Variants in CAST observed in about 807,000 individuals in gnomAD.
The protein encoded by CAST is MIR583 host.
Under a neutral mutation model 119.6 loss-of-function variants are expected in CAST, and 76 were observed. That is an observed-to-expected ratio of 0.64 (90% CI 0.53 to 0.77). CAST has a LOEUF of 0.77. Among genes scored for constraint, CAST ranks in the 30% least tolerant of loss-of-function variants. The probability of loss-of-function intolerance (pLI) is 0.00; values close to 1 mark genes in which losing one functional copy is unlikely to be tolerated. For missense variants in CAST, 953 were observed against 946.5 expected (o/e 1.01, Z -0.09); for synonymous variants, 319 against 331.6 (o/e 0.96, Z 0.41).
chr5:96,050,743 G>C, the CAST span, among the ~76,000 whole-genome samples: 2 of 152,196 alleles, frequency 1.3e-5, no homozygotes, highest in South Asian at 4.1e-4. Flanking sequence ...GTTTCCTGCA[G>C]TAGTGCTCCC....
chr5:96,111,474 G>C, the CAST span, among the ~76,000 whole-genome samples: 1 of 152,192 alleles, frequency 6.6e-6, no homozygotes, highest in East Asian at 1.9e-4. Context: ...TCCCTCCCCA[G>C]ATGGGGCTGA....
the CAST span, among the ~76,000 whole-genome samples, chr5:96,265,929 T>C: frequency 3.3e-5 from 5 of 152,180 alleles, no homozygotes; most frequent in Non-Finnish European, 5.9e-5. Flanking sequence ...AAAAAAAAAC[T>C]GATACGATGT....
chr5:96,481,315 A>C, the CAST span, among the ~76,000 whole-genome samples: 1 of 152,314 alleles, frequency 6.6e-6, no homozygotes, highest in Non-Finnish European at 1.5e-5. Flanking sequence ...TCTTGAGATA[A>C]GAGCCTTCTT....
chr5:96,621,723 C>T (rs147952326), intron 1 of CAST, among the ~76,000 whole-genome samples: 1 of 152,304 alleles, frequency 6.6e-6, no homozygotes, highest in Non-Finnish European at 1.5e-5. Flanking sequence ...CAGAGCCAAA[C>T]CATATCAGCA....
At chr5:96,758,773 C>A (rs1027986325) in intron 24 of CAST, among the ~76,000 whole-genome samples, 1 of 152,142 alleles carries the variant, frequency 6.6e-6, no homozygotes, top group African/African-American at 2.4e-5. Context: ...ATCCCGTGAC[C>A]TTCCTCTCAT....
chr5:96,097,660 C>A, the CAST span, among the ~76,000 whole-genome samples: 1 of 152,162 alleles, frequency 6.6e-6, no homozygotes. Flanking sequence ...AGGGCATCAT[C>A]TCATTCTTTT....
chr5:96,039,528 T>A, the CAST span, among the ~76,000 whole-genome samples: 1 of 152,214 alleles, frequency 6.6e-6, no homozygotes, highest in African/African-American at 2.4e-5. Context: ...AAGTCTTTTA[T>A]CCATCTTGAG....
intron 1 of CAST, among the ~76,000 whole-genome samples, chr5:96,619,569 C>T (rs1244392773): frequency 6.6e-6 from 1 of 152,212 alleles, no homozygotes; most frequent in Admixed American, 6.5e-5. Flanking sequence ...TGCAATAAAT[C>T]TTGCTGTTCC....
the CAST span, among the ~76,000 whole-genome samples, chr5:96,436,011 C>T: frequency 6.6e-6 from 1 of 152,132 alleles, no homozygotes; most frequent in Admixed American, 6.5e-5. Flanking sequence ...TTTCTAGACC[C>T]ACAGAATAAC....
chr5:96,592,176 C>A (rs1449119287), intron 1 of CAST, among the ~76,000 whole-genome samples: 1 of 151,910 alleles, frequency 6.6e-6, no homozygotes, highest in Non-Finnish European at 1.5e-5. Flanking sequence ...GCGGGCGGAT[C>A]ATTTGGAATC....
chr5:95,990,112 GA>G, the CAST span, among the ~76,000 whole-genome samples: 1 of 151,988 alleles, frequency 6.6e-6, no homozygotes. Flanking sequence ...AAATAAGCTT[GA>G]AATATTTTAT....
At chr5:96,488,504 C>T in the CAST span, among the ~76,000 whole-genome samples, 14 of 152,254 alleles carry the variant, frequency 9.2e-5, no homozygotes. Context: ...TAATAACTGC[C>T]ATTTCTTTAA....
chr5:96,037,911 A>T, the CAST span, among the ~76,000 whole-genome samples: 1 of 152,128 alleles, frequency 6.6e-6, no homozygotes, highest in Non-Finnish European at 1.5e-5. Context: ...GAAGAGCCAG[A>T]GGTTGGTATC....
chr5:96,079,937 C>T, the CAST span, among the ~76,000 whole-genome samples: 2 of 152,118 alleles, frequency 1.3e-5, no homozygotes, highest in Non-Finnish European at 2.9e-5. Context: ...AAAAAGCAAA[C>T]CCCACTGCCT....
At chr5:96,682,737 A>T (rs2150269132) in intron 2 of CAST, among the ~76,000 whole-genome samples, 1 of 152,206 alleles carries the variant, frequency 6.6e-6, no homozygotes, top group South Asian at 2.1e-4. Context: ...CCTCAGACCT[A>T]CAGCTGTTTG....
At chr5:96,105,548 C>G in the CAST span, among the ~76,000 whole-genome samples, 1 of 151,962 alleles carries the variant, frequency 6.6e-6, no homozygotes, top group South Asian at 2.1e-4. Flanking sequence ...TATTGATTTG[C>G]GTATATTGAA....
chr5:96,086,021 A>G, the CAST span, among the ~76,000 whole-genome samples: 1 of 152,192 alleles, frequency 6.6e-6, no homozygotes, highest in Admixed American at 6.5e-5. Context: ...AAATCCATGA[A>G]TGCTCAAGTC....
intron 1 of CAST, among the ~76,000 whole-genome samples, chr5:96,547,362 A>G (rs1263150014): frequency 1.3e-5 from 2 of 152,150 alleles, no homozygotes; most frequent in Non-Finnish European, 2.9e-5. Flanking sequence ...AACCAGAAGG[A>G]AGGAGGGTGC....
intron 1 of CAST, among the ~76,000 whole-genome samples, chr5:96,599,973 A>AAAAAAAG (rs1561426805): frequency 3.3e-5 from 3 of 90,082 alleles, no homozygotes; most frequent in Admixed American, 1.0e-4. Flanking sequence ...AGGCAAAAAA[A>AAAAAAAG]AAAAAAAAAA....
Sources: gnomAD v4.1 joint callset for allele counts (sites outside exome capture counted in the v4.1 genomes callset) on GRCh38, gnomAD v4.1.1 for gene constraint, MANE v1.5 for transcripts, NCBI Gene and HGNC (gene_info 2026-07-23, HGNC 2026-07-21) for gene names.